Variants in RTEL1 observed in about 807,000 individuals in gnomAD.
RTEL1 encodes regulator of telomere length.
RTEL1 carries 86 observed loss-of-function variants against 162.2 expected under a neutral mutation model. The ratio of observed to expected loss-of-function variants is 0.53; its 90% CI spans 0.45 to 0.63. The LOEUF (loss-of-function observed/expected upper bound fraction) is 0.63, where lower values mean the gene tolerates loss of function less well. RTEL1 is among the 30% of genes least tolerant of loss of function. The pLI, the probability that RTEL1 is intolerant of heterozygous loss-of-function variation, is 0.00. For missense variants in RTEL1, 1,941 were observed against 1,750.2 expected, an observed-to-expected ratio of 1.11 and a Z score of -1.95; for synonymous variants, 958 against 717.9, an observed-to-expected ratio of 1.33 and a Z score of -5.35.
rs192912611 is a variant in RTEL1 at position 63,663,182 on chromosome 20, C to T, written c.538+293C>T. Among the ~76,000 whole-genome samples, 340 of 152,348 alleles carry T rather than the reference C, an allele frequency of 2.2e-3. 2 individuals are homozygous for T. The highest frequency in any genetic ancestry group is 3.5e-3 in the Non-Finnish European group (238 of 68,028). On this transcript the variant is annotated intron_variant, in intron 6 of 34. Transcript: ENST00000360203. Reference sequence around the variant, plus strand: ...GATGAGAGGGTCTCCCTGCACCTAACCTGCTGGTGCAAACAGTAGGGGTTT... The same window carrying T: ...GATGAGAGGGTCTCCCTGCACCTAATCTGCTGGTGCAAACAGTAGGGGTTT...
intron 22 of RTEL1, 120 bp from the exon 23 acceptor site, chr20:63,689,382 A>G (rs979998988): frequency 8.1e-7 from 1 of 1,230,214 alleles, no homozygotes; most frequent in Admixed American, 2.9e-5. Context: ...TGACCCACAG[A>G]TGGAGCTTCC....
At chr20:63,683,869 T>G (rs1292117535) in intron 14 of RTEL1, among the ~76,000 whole-genome samples, 9 of 152,048 alleles carry the variant, frequency 5.9e-5, no homozygotes, top group African/African-American at 2.2e-4. Flanking sequence ...CATATACATA[T>G]ACTCTCTGTA....
rs2090027004 is a variant in RTEL1 at position 63,661,856 on chromosome 20, A to G, written c.308A>G (p.Tyr103Cys). ...CTTGCTTGTGTCTGGTCAGCTTGCT[A>G]CACGGACATCCCAAAGATTATTTAC... is the stretch of plus-strand genomic sequence containing the variant. The part of the protein sequence containing the change: ...AAAAGDPIAC[Y>C]TDIPKIIYAS... The change falls in exon 4 of 35, where the codon TAC (tyrosine) becomes TGC (cysteine). Residue 103 changes from tyrosine (Y) to cysteine (C), a missense_variant. By Grantham distance (194) the Tyr-to-Cys change is radical. Coordinates refer to ENST00000360203, the MANE Select transcript of RTEL1 (RefSeq NM_001283009.2). This position sits in a 1 kb window ranked among gnomAD's most constrained non-coding sequence, Gnocchi z 5.1. 1 of 1,613,980 alleles carries G rather than the reference A, an allele frequency of 6.2e-7. No homozygotes were observed. Among genetic ancestry groups the G allele is most frequent in the Middle Eastern group, 1.6e-4 (1 of 6,062 alleles).
At chr20:63,675,053 G>A (rs111934726) in intron 10 of RTEL1, among the ~76,000 whole-genome samples, 7 of 152,224 alleles carry the variant, frequency 4.6e-5, no homozygotes, top group Admixed American at 3.3e-4. Context: ...GATCACAGGC[G>A]TGCACCACCA....
At chr20:63,669,638 C>T (rs572242558) in intron 8 of RTEL1, among the ~76,000 whole-genome samples, 18 of 152,324 alleles carry the variant, frequency 1.2e-4, no homozygotes, top group East Asian at 7.7e-4. Flanking sequence ...TCTGGACAGA[C>T]GTTTCACCAA....
rs942254441 is a variant in RTEL1, at chr20:63,695,532, G to A, written c.3704G>A (p.Gly1235Asp). 4.3e-6 allele frequency: 7 copies of A among 1,612,232 alleles called. No individual in the cohort carries two copies. The African/African-American group carries it at 5.3e-5, about 12-fold the overall frequency. Reference sequence around the variant, plus strand: ...GGGCAGCAGGCCACGGGAGCTCCGGGCGGGCCCCTCTCAGCAGGCTGTGTG... The same window carrying A: ...GGGCAGCAGGCCACGGGAGCTCCGGACGGGCCCCTCTCAGCAGGCTGTGTG... Reference protein sequence around the residue: ...IAGQQATGAPGGPLSAGCVCQ... With the variant: ...IAGQQATGAPDGPLSAGCVCQ... Residue 1235 changes from glycine (G) to aspartate (D), a missense_variant, in exon 34 of 35, where the codon GGC becomes GAC. Transcript: ENST00000360203.
intron 27 of RTEL1, 49 bp from the exon 28 acceptor site, chr20:63,691,693 G>A (rs2090748759): frequency 6.7e-7 from 1 of 1,498,762 alleles, no homozygotes; most frequent in Non-Finnish European, 9.3e-7. Context: ...TGGGACCCCA[G>A]AGTGTGTGGT....
In RTEL1 at chr20:63,693,129, C is replaced by T; in HGVS notation, c.2852-14C>T. The T allele has an allele frequency of 1.2e-6, 2 of 1,612,214 alleles. No homozygotes were observed. Among genetic ancestry groups the T allele is most frequent in the Non-Finnish European group, 8.5e-7 (1 of 1,179,594 alleles). On this transcript the variant is annotated splice_polypyrimidine_tract_variant and intron_variant, in intron 29 of 34. Transcript: ENST00000360203. The stretch of plus-strand genomic sequence containing the variant: ...AAAAGGGGCAGATGGGGACAGACGC[C>T]CCTTCCTCTACAGGCTTCTACCAGT...
intron 26 of RTEL1, 126 bp from the exon 27 acceptor site, chr20:63,690,676 TAGC>T (rs2090716837): frequency 1.8e-6 from 2 of 1,104,536 alleles, no homozygotes; most frequent in South Asian, 1.6e-5. Context: ...CTCCCCCCAA[TAGC>T]AGGGAGGACA....
intron 12 of RTEL1, 85 bp downstream of exon 12, chr20:63,678,431 C>G: frequency 7.9e-7 from 1 of 1,273,512 alleles, no homozygotes; most frequent in Non-Finnish European, 1.1e-6. Flanking sequence ...GCTGTCACAT[C>G]ACGAGTGAGG....
At chr20:63,682,969 G>C (rs955256012) in intron 14 of RTEL1, among the ~76,000 whole-genome samples, 5 of 152,138 alleles carry the variant, frequency 3.3e-5, no homozygotes, top group Admixed American at 2.0e-4. Context: ...GGGATTTGTG[G>C]TGGTGTTTTT....
In RTEL1 at chr20:63,696,244, C is replaced by A; in HGVS notation, c.*386C>A. 3.3e-6 allele frequency: 1 copy of A among 305,506 alleles called. No homozygotes were observed. Among genetic ancestry groups the A allele is most frequent in the Non-Finnish European group, 6.1e-6 (1 of 163,098 alleles). The allele number at this position is 305,506 out of a possible 1,614,324, so 18.9% of individuals were successfully genotyped here. On this transcript the variant is annotated 3_prime_UTR_variant, in exon 35 of 35. Coordinates refer to ENST00000360203, the MANE Select transcript of RTEL1 (RefSeq NM_001283009.2). Reference sequence around the variant, plus strand: ...CTCTAATAAAGCTGCTGGCAGTGCCCAGGACGGTGTCTTCGTGGCCTGGGC... The same window carrying A: ...CTCTAATAAAGCTGCTGGCAGTGCCAAGGACGGTGTCTTCGTGGCCTGGGC...
chr20:63,694,432 C>A lies in RTEL1; in HGVS notation c.3053C>A (p.Pro1018His), dbSNP rs1335639601. The A allele has an allele frequency of 7.4e-6, 12 of 1,612,338 alleles. No individual in the cohort carries two copies. Among genetic ancestry groups the A allele is most frequent in the South Asian group, 4.4e-5 (4 of 91,066 alleles). The change falls in exon 31 of 35, where the codon CCC becomes CAC. Residue 1018 changes from proline to histidine, a missense_variant. Pro to His is a moderately conservative substitution (Grantham distance 77). Transcript: ENST00000360203. ...VSTAAAQQLD[P>H]QEHLNQGRPH... ...ACGGCTGCAGCCCAGCAGCTGGACC[C>A]CCAAGAGCACCTGAACCAGGGCAGG...
chr20:63,676,249 A>G (rs1014571182), intron 10 of RTEL1, among the ~76,000 whole-genome samples: 7 of 152,018 alleles, frequency 4.6e-5, no homozygotes, highest in Non-Finnish European at 1.0e-4. Flanking sequence ...TGTGCTTGGC[A>G]GGGTCCATTC....
Position 63,682,374 on chromosome 20 carries a change from A to G in RTEL1, c.1191+1655A>G, listed in dbSNP as rs913392794. On this transcript the variant is annotated intron_variant, in intron 14 of 34. Transcript: ENST00000360203. ...CCCCCAGCTATGGAGAAGACTCCAC[A>G]CTCTGGAACCGGATCCTGGAACGCG... The G allele has an allele frequency of 3.0e-6, 3 of 984,818 alleles. No homozygotes were observed. The African/African-American group carries it at 5.3e-5, about 17-fold the overall frequency. 61.0% of individuals were successfully genotyped at this position (984,818 alleles called of 1,614,324 possible).
In RTEL1 at chr20:63,692,852, G is replaced by T; in HGVS notation, c.2700G>T (p.Met900Ile). Residue 900 changes from methionine to isoleucine, a missense_variant, in exon 29 of 35, where the codon ATG (methionine) becomes ATT (isoleucine). Transcript: ENST00000360203. Reference sequence around the variant, plus strand: ...AGACGGACAGGGCCAAGCTCTTCATGGTGGCCGTGAAGCAGGAGTTGAGCC... The same window carrying T: ...AGACGGACAGGGCCAAGCTCTTCATTGTGGCCGTGAAGCAGGAGTTGAGCC... ...GAQTDRAKLF[M>I]VAVKQELSQA... 4 of 1,612,622 alleles carry T rather than the reference G, an allele frequency of 2.5e-6. No individual in the cohort carries two copies. Among genetic ancestry groups the T allele is most frequent in the South Asian group, 1.1e-5 (1 of 91,090 alleles).
chr20:63,694,147 A>C (rs1601193031), intron 30 of RTEL1, among the ~76,000 whole-genome samples: 1 of 151,920 alleles, frequency 6.6e-6, no homozygotes, highest in African/African-American at 2.4e-5. Flanking sequence ...TACGGCTCTG[A>C]GCTCCTGAGT....
intron 28 of RTEL1, 157 bp from the exon 29 acceptor site, chr20:63,692,648 T>TC: frequency 1.5e-6 from 1 of 683,992 alleles, no homozygotes; most frequent in East Asian, 2.7e-5. Flanking sequence ...CCGCAGCCCC[T>TC]CCCTATGTCC....
At position 63,687,695 on chromosome 20, in the gene RTEL1, G is replaced by A. The variant is rs779627326; in HGVS notation, c.1406G>A (p.Arg469His). 15 of 1,607,194 alleles carry A rather than the reference G, an allele frequency of 9.3e-6. No individual in the cohort carries two copies. Among genetic ancestry groups the A allele is most frequent in the African/African-American group, 6.7e-5 (5 of 74,826 alleles). The change falls in exon 17 of 35, where the codon CGC becomes CAC. Residue 469 changes from arginine (R) to histidine (H), a missense_variant. Transcript: ENST00000360203. ...SPGHSMHELV[R>H]QGVRSLILTS... ...GGCCACAGCATGCACGAGCTGGTCCGCCAGGGCGTCCGCTCCCTCATCCTT... is the reference window on the plus strand; with the variant it reads ...GGCCACAGCATGCACGAGCTGGTCCACCAGGGCGTCCGCTCCCTCATCCTT...
Sources: allele counts gnomAD v4.1 joint callset (sites outside exome capture counted in the v4.1 genomes callset), GRCh38; gene constraint gnomAD v4.1.1; non-coding constraint Gnocchi (gnomAD v3.1); transcripts MANE v1.5; gene names NCBI Gene and HGNC (gene_info 2026-07-23, HGNC 2026-07-21).